Variants in RPS6KA2 observed in about 807,000 individuals in gnomAD.
RPS6KA2 encodes ribosomal protein S6 kinase A2.
A neutral mutation model predicts 91.8 loss-of-function variants in RPS6KA2; 42 were observed. That is an observed-to-expected ratio of 0.46 (90% confidence interval 0.36 to 0.59). The LOEUF (loss-of-function observed/expected upper bound fraction) is 0.59, where lower values mean the gene tolerates loss of function less well. Ranked by LOEUF, RPS6KA2 falls within the 20% of genes least tolerant of loss-of-function variation. RPS6KA2 has a pLI of 0.00. For synonymous variants in RPS6KA2, 414 were observed against 393.6 expected, an observed-to-expected ratio of 1.05 and a Z score of -0.61; for missense variants, 798 against 978.5, an observed-to-expected ratio of 0.82 and a Z score of 2.46.
chr6:166,416,069 C>T (rs1236791349), intron 19 of RPS6KA2, among the ~76,000 whole-genome samples: 3 of 150,634 alleles, frequency 2.0e-5, no homozygotes, highest in African/African-American at 7.4e-5. Flanking sequence ...CCATCTCCAC[C>T]ATCACCCTCA....
rs148311571 is a variant in RPS6KA2, at chr6:166,618,525, C to A, written c.99+8396G>T. Among the ~76,000 whole-genome samples, 5 of 152,162 alleles carry A rather than the reference C, an allele frequency of 3.3e-5. No homozygotes were observed. In the South Asian group the frequency reaches 6.2e-4, roughly 19 times the overall value. The stretch of plus-strand genomic sequence containing the variant: ...GAGAGGTGACCTGGAGGGAGGTCAG[C>A]GTGGGCAGGGGTGAGACCAAGGAAA... On this transcript the variant is annotated intron_variant, in intron 1 of 20. Transcript: ENST00000265678.
At chr6:166,537,432 T>C (rs1284214572) in intron 2 of RPS6KA2, among the ~76,000 whole-genome samples, 1 of 152,224 alleles carries the variant, frequency 6.6e-6, no homozygotes, top group East Asian at 1.9e-4. Context: ...GAAATCTTCA[T>C]CCCCCTATTT....
chr6:166,459,572 A>G lies in RPS6KA2; in HGVS notation c.973-21T>C. 6.3e-7 allele frequency: 1 copy of G among 1,576,026 alleles called. No individual in the cohort carries two copies. ...AGCGTCTATTAATACAAGGAAAGCA[A>G]GACAGGGCACTGAGGATGCACAGAC... On this transcript the variant is annotated intron_variant, in intron 11 of 20. Coordinates refer to ENST00000265678, the MANE Select transcript of RPS6KA2 (RefSeq NM_021135.6). The surrounding 1 kb of genome is among the most constrained non-coding windows in gnomAD (Gnocchi z 4.9).
At chr6:166,690,054 T>C (rs1305347979) in intron 2 of RPS6KA2, among the ~76,000 whole-genome samples, 1 of 151,776 alleles carries the variant, frequency 6.6e-6, no homozygotes, top group Non-Finnish European at 1.5e-5. Flanking sequence ...GGTCTAGGGA[T>C]TGGGTGAGGG....
chr6:166,502,990 A>T (rs1158998788), intron 6 of RPS6KA2, among the ~76,000 whole-genome samples: 1 of 152,132 alleles, frequency 6.6e-6, no homozygotes, highest in Middle Eastern at 3.2e-3. Flanking sequence ...TATCTTGGAG[A>T]TGGGCCACAA....
Position 166,459,045 on chromosome 6 carries a change from A to G in RPS6KA2, c.1075+404T>C, listed in dbSNP as rs1780190561. ...TTTCAAATGGGTTTCTGTTTTTTGC[A>G]TGAATAATATCTATAGCTCATAAAT... On this transcript the variant is annotated intron_variant, in intron 12 of 20. Coordinates refer to ENST00000265678, the MANE Select transcript of RPS6KA2 (RefSeq NM_021135.6). This position sits in a 1 kb window ranked among gnomAD's most constrained non-coding sequence, Gnocchi z 4.9. 6.6e-6 allele frequency among the ~76,000 whole-genome samples: 1 copy of G among 152,136 alleles called. No individual in the cohort carries two copies. Among genetic ancestry groups the G allele is most frequent in the Non-Finnish European group, 1.5e-5 (1 of 68,016 alleles).
At chr6:166,628,648 G>A (rs1326134004), upstream of RPS6KA2, among the ~76,000 whole-genome samples, 1 of 152,268 alleles carries the variant, frequency 6.6e-6, no homozygotes, top group Non-Finnish European at 1.5e-5. Flanking sequence ...CGGAGTGGAA[G>A]CCGGGAGTTT....
At chr6:166,469,299 A>G (rs1780661812) in intron 11 of RPS6KA2, among the ~76,000 whole-genome samples, 1 of 150,216 alleles carries the variant, frequency 6.7e-6, no homozygotes, top group African/African-American at 2.5e-5. Context: ...CAGAAGCTCC[A>G]GTTTATTCCA....
At chr6:166,657,197 CG>C (rs1788029061) in intron 2 of RPS6KA2, among the ~76,000 whole-genome samples, 1 of 152,042 alleles carries the variant, frequency 6.6e-6, no homozygotes, top group South Asian at 2.1e-4. Context: ...ACTGCCTGGG[CG>C]GGCGAGGGCA....
chr6:166,770,980 A>T lies in RPS6KA2; in HGVS notation c.123+87220T>A. 7.1e-7 allele frequency: 1 copy of T among 1,410,518 alleles called. No homozygotes were observed. Among genetic ancestry groups the T allele is most frequent in the Non-Finnish European group, 9.8e-7 (1 of 1,021,506 alleles). The allele number at this position is 1,410,518 out of a possible 1,614,324, so 87.4% of individuals were successfully genotyped here. ...GGACGTATTTACAGTCAGCAACTTC[A>T]TTAGCAAGGGCATTACTACCATACT... On this transcript the variant is annotated intron_variant, in intron 2 of 21. Coordinates refer to the RPS6KA2 transcript ENST00000503859. The surrounding 1 kb of genome is among the most constrained non-coding windows in gnomAD (Gnocchi z 5.1).
chr6:166,590,762 A>T (rs542355281), intron 1 of RPS6KA2, among the ~76,000 whole-genome samples: 63 of 150,446 alleles, frequency 4.2e-4, no homozygotes, highest in African/African-American at 1.2e-3. Context: ...TTAAAAAATT[A>T]AAAAAAAAAC....
intron 2 of RPS6KA2, among the ~76,000 whole-genome samples, chr6:166,824,125 G>A (rs1340763144): frequency 6.6e-6 from 1 of 152,168 alleles, no homozygotes; most frequent in East Asian, 1.9e-4. Context: ...ATGCTTGTGT[G>A]TATGCATGTG....
intron 3 of RPS6KA2, among the ~76,000 whole-genome samples, chr6:166,529,288 G>A (rs1783174073): frequency 6.6e-6 from 1 of 152,192 alleles, no homozygotes; most frequent in Non-Finnish European, 1.5e-5. Context: ...GGATGAAGCT[G>A]GAAGCCATCA....
At position 166,550,994 on chromosome 6, in the gene RPS6KA2, C is replaced by CAAAAAAAAAAAAAAAAAAAA. The variant is rs58796308; in HGVS notation, c.100-12211_100-12210insTTTTTTTTTTTTTTTTTTTT. Among the ~76,000 whole-genome samples, 181 of 106,278 alleles carry CAAAAAAAAAAAAAAAAAAAA rather than the reference C, an allele frequency of 1.7e-3. 4 individuals are homozygous for CAAAAAAAAAAAAAAAAAAAA. The highest frequency in any genetic ancestry group is 0.014 in the Middle Eastern group (2 of 144). The allele number at this position is 106,278 out of a possible 152,430, so 69.7% of individuals were successfully genotyped here. On this transcript the variant is annotated intron_variant, in intron 1 of 20. Transcript: ENST00000265678. ...CTGGCAACAGAGCCGGACTCTATCT[C>CAAAAAAAAAAAAAAAAAAAA]AAAAAAAAAAAAAAAAAGAACGTGA...
intron 1 of RPS6KA2, among the ~76,000 whole-genome samples, chr6:166,614,071 C>T (rs778820196): frequency 6.6e-6 from 1 of 152,208 alleles, no homozygotes; most frequent in African/African-American, 2.4e-5. Flanking sequence ...AGAAACTCTG[C>T]CCCACACCCT....
chr6:166,417,357 G>C (rs1778567107), intron 19 of RPS6KA2, among the ~76,000 whole-genome samples: 1 of 152,148 alleles, frequency 6.6e-6, no homozygotes, highest in African/African-American at 2.4e-5. Context: ...TTCAGGATGT[G>C]GTTAACACTT....
intron 10 of RPS6KA2, among the ~76,000 whole-genome samples, chr6:166,485,125 T>C (rs1781361258): frequency 6.6e-6 from 1 of 152,166 alleles, no homozygotes; most frequent in Non-Finnish European, 1.5e-5. Context: ...CTTCCAGGGC[T>C]GTGTGGGGGA....
intron 1 of RPS6KA2, among the ~76,000 whole-genome samples, chr6:166,559,166 G>C (rs1304163588): frequency 6.6e-6 from 1 of 152,234 alleles, no homozygotes; most frequent in Non-Finnish European, 1.5e-5. Flanking sequence ...GTAGTGGGCA[G>C]TGTGGGCAAG....
chr6:166,416,224 T>C (rs1778512127), intron 19 of RPS6KA2, among the ~76,000 whole-genome samples: 1 of 142,182 alleles, frequency 7.0e-6, no homozygotes, highest in African/African-American at 2.6e-5. Flanking sequence ...CTCGCCATCA[T>C]CTTCACCACC....
Sources: gnomAD v4.1 joint callset for allele counts (sites outside exome capture counted in the v4.1 genomes callset) on GRCh38, gnomAD v4.1.1 for gene constraint, Gnocchi (gnomAD v3.1) non-coding constraint, MANE v1.5 for transcripts, NCBI Gene and HGNC (gene_info 2026-07-23, HGNC 2026-07-21) for gene names.